The following ZNF596 variants were observed in gnomAD, a reference collection of about 807,000 sequenced individuals.
ZNF596 encodes zinc finger protein 596.
ZNF596 carries 45 observed loss-of-function variants against 48.3 expected under a neutral mutation model. The ratio of observed to expected loss-of-function variants is 0.93; its 90% CI spans 0.73 to 1.19. ZNF596 has a LOEUF of 1.19. Among genes scored for constraint, ZNF596 ranks in the 50% most tolerant of loss-of-function variants. ZNF596 has a pLI of 0.00. For missense variants in ZNF596, 848 were observed against 599.7 expected, an observed-to-expected ratio of 1.41 and a Z score of -4.32; for synonymous variants, 270 against 202.0, an observed-to-expected ratio of 1.34 and a Z score of -2.85.
chr8:245,283 A>G lies in ZNF596; in HGVS notation c.436A>G (p.Lys146Glu), dbSNP rs769565974. 6.2e-6 allele frequency: 10 copies of G among 1,614,008 alleles called. No homozygotes were observed. The African/African-American group carries it at 1.2e-4, about 19-fold the overall frequency. The change falls in exon 6 of 6, where the codon AAA (lysine) becomes GAA (glutamate). Residue 146 changes from lysine (K) to glutamate (E), a missense_variant. By Grantham distance (56) the Lys-to-Glu change is moderately conservative. Coordinates refer to ENST00000398612, the MANE Select transcript of ZNF596 (RefSeq NM_001042416.3). Reference protein sequence around the residue: ...TKHFVSKKFGKIFSDWLSFNQ... With the variant: ...TKHFVSKKFGEIFSDWLSFNQ... ...ACACTTTGTAAGCAAAAAGTTTGGGAAAATCTTCAGTGACTGGTTATCCTT... is the reference window on the plus strand; with the variant it reads ...ACACTTTGTAAGCAAAAAGTTTGGGGAAATCTTCAGTGACTGGTTATCCTT...
chr8:241,836 T>C (rs1796865346), intron 2 of ZNF596, among the ~76,000 whole-genome samples: 1 of 152,138 alleles, frequency 6.6e-6, no homozygotes, highest in Non-Finnish European at 1.5e-5. Flanking sequence ...ACAGGAAGCA[T>C]GACTGGGAGG....
At position 243,816 on chromosome 8, in the gene ZNF596, A is replaced by T; in HGVS notation, c.223+11A>T. The T allele has an allele frequency of 1.2e-6, 2 of 1,610,508 alleles. No homozygotes were observed. The highest frequency in any genetic ancestry group is 1.7e-6 in the Non-Finnish European group (2 of 1,177,888). ...TAAGCTTACTGCAAGGTGAGCTCTAAGAAGCAGTGCTTCAATAGGAGGAGG... is the reference window on the plus strand; with the variant it reads ...TAAGCTTACTGCAAGGTGAGCTCTATGAAGCAGTGCTTCAATAGGAGGAGG... On this transcript the variant is annotated intron_variant, in intron 4 of 5. Transcript: ENST00000398612.
Position 246,430 on chromosome 8 carries a change from G to T in ZNF596, c.*68G>T. 1 of 1,505,354 alleles carries T rather than the reference G, an allele frequency of 6.6e-7. No individual in the cohort carries two copies. The allele number at this position is 1,505,354 out of a possible 1,614,324, so 93.2% of individuals were successfully genotyped here. A position where few individuals can be genotyped will look rare whatever the true frequency, so the allele number is the denominator to read the frequency against. On this transcript the variant is annotated 3_prime_UTR_variant, in exon 6 of 6. Coordinates refer to ENST00000398612, the MANE Select transcript of ZNF596 (RefSeq NM_001042416.3). ...AACATACTACAGGAATATTATGTCT[G>T]TAATCAGTGTGGAAAAGCCTTTATT...
At chr8:243,845 A>G (rs1465635014) in intron 4 of ZNF596, 40 bp downstream of exon 4, 2 of 1,567,570 alleles carry the variant, frequency 1.3e-6, no homozygotes, top group East Asian at 2.2e-5. Flanking sequence ...GAGGAGGAGA[A>G]ACATGGCCAG....
At position 245,643 on chromosome 8, in the gene ZNF596, C is replaced by G. The variant is rs150205498; in HGVS notation, c.796C>G (p.Leu266Val). The change falls in exon 6 of 6, where the codon CTT (leucine) becomes GTT (valine). Residue 266 changes from leucine (L) to valine (V), a missense_variant. Leu to Val is a conservative substitution (Grantham distance 32). Coordinates refer to ENST00000398612, the MANE Select transcript of ZNF596 (RefSeq NM_001042416.3). ...CGKAFSKSSN[L>V]RRHEMIHTRE... is the part of the protein sequence containing the mutation. Reference sequence around the variant, plus strand: ...GAAAGCCTTCAGTAAAAGTTCTAACCTTAGACGACATGAGATGATTCACAC... The same window carrying G: ...GAAAGCCTTCAGTAAAAGTTCTAACGTTAGACGACATGAGATGATTCACAC... 5 of 1,613,892 alleles carry G rather than the reference C, an allele frequency of 3.1e-6. No individual in the cohort carries two copies. The highest frequency in any genetic ancestry group is 1.3e-5 in the African/African-American group (1 of 74,928).
rs17852361 is a variant in ZNF596 at position 244,662 on chromosome 8, A to G, written c.267A>G (p.Gln89=). 1.2e-6 allele frequency: 2 copies of G among 1,613,538 alleles called. No homozygotes were observed. The highest frequency in any genetic ancestry group is 3.3e-5 in the Admixed American group (2 of 59,936). ...AACATCAAGAGATACCATTCATTCA[A>G]CATATCTATCAGAAGGGCACGTCCA... is the stretch of plus-strand genomic sequence containing the variant. ...GIKHQEIPFI[Q]HIYQKGTSTI... Residue 89 remains glutamine, a synonymous_variant, in exon 5 of 6, where the codon CAA becomes CAG. Coordinates refer to ENST00000398612, the MANE Select transcript of ZNF596 (RefSeq NM_001042416.3).
Position 243,596 on chromosome 8 carries a change from G to C in ZNF596, c.140-126G>C. On this transcript the variant is annotated intron_variant, in intron 3 of 5. Transcript: ENST00000398612. ...GAAGGACTGTCAATGTTGTCTTCAA[G>C]GTACTCTTCCCAGGCTGACCTTCAG... 6 of 781,618 alleles carry C rather than the reference G, an allele frequency of 7.7e-6. No individual in the cohort carries two copies. The South Asian group carries it at 8.6e-5, about 11-fold the overall frequency. The allele number at this position is 781,618 out of a possible 1,614,324, so 48.4% of individuals were successfully genotyped here. A position where few individuals can be genotyped will look rare whatever the true frequency, so the allele number is the denominator to read the frequency against.
intron 5 of ZNF596, among the ~76,000 whole-genome samples, 168 bp from the exon 6 acceptor site, chr8:244,986 A>G (rs901105733): frequency 6.6e-6 from 1 of 152,248 alleles, no homozygotes; most frequent in Non-Finnish European, 1.5e-5. Flanking sequence ...AAAACTCTCT[A>G]CATGCAGTTA....
intron 1 of ZNF596, among the ~76,000 whole-genome samples, chr8:239,883 G>A (rs980161118): frequency 6.6e-6 from 1 of 151,896 alleles, no homozygotes; most frequent in Non-Finnish European, 1.5e-5. Flanking sequence ...GGTCTTTCAG[G>A]TGATCACCCC....
chr8:243,993 T>G, intron 4 of ZNF596, 188 bp downstream of exon 4: 1 of 432,004 alleles, frequency 2.3e-6, no homozygotes, highest in Non-Finnish European at 4.2e-6. Flanking sequence ...ATTCAAGTGA[T>G]TCTCTTGCCT....
At chr8:236,564 T>A (rs550601888) in intron 1 of ZNF596, among the ~76,000 whole-genome samples, 44 of 152,308 alleles carry the variant, frequency 2.9e-4, no homozygotes, top group African/African-American at 1.0e-3. Flanking sequence ...TTAAGAAGAA[T>A]TAGTCCCCAC....
Position 246,963 on chromosome 8 carries a change from A to G in ZNF596, c.*601A>G, listed in dbSNP as rs1320312201. 6.5e-6 allele frequency: 1 copy of G among 152,832 alleles called. No homozygotes were observed. The highest frequency in any genetic ancestry group is 1.5e-5 in the Non-Finnish European group (1 of 68,522). 9.5% of individuals were successfully genotyped at this position (152,832 alleles called of 1,614,324 possible). On this transcript the variant is annotated 3_prime_UTR_variant, in exon 6 of 6. Coordinates refer to ENST00000398612, the MANE Select transcript of ZNF596 (RefSeq NM_001042416.3). ...TACAGCAGCACTTCTATAATAGATCAGAATTCACATGGTGTAGAACTCTCA... is the reference window on the plus strand; with the variant it reads ...TACAGCAGCACTTCTATAATAGATCGGAATTCACATGGTGTAGAACTCTCA...
chr8:245,254 C>A lies in ZNF596; in HGVS notation c.407C>A (p.Thr136Lys), dbSNP rs2074718. 148,807 of 1,613,688 alleles carry A rather than the reference C, an allele frequency of 0.092. 10,094 individuals carry two copies. Among genetic ancestry groups the A allele is most frequent in the African/African-American group, 0.34 (25,341 of 74,926 alleles). ...LTQNVITYMR[T>K]KHFVSKKFGK... ...CAAAATGTGATTACCTACATGAGAA[C>A]GAAACACTTTGTAAGCAAAAAGTTT... Residue 136 changes from threonine (T) to lysine (K), a missense_variant, in exon 6 of 6, where the codon ACG becomes AAG. Coordinates refer to ENST00000398612, the MANE Select transcript of ZNF596 (RefSeq NM_001042416.3).
At chr8:234,520 C>T (rs889339827) in intron 1 of ZNF596, 1 of 152,170 alleles carries the variant, frequency 6.6e-6, no homozygotes. Context: ...GCAGGGGCTT[C>T]TCAAGAAGGA....
Position 242,902 on chromosome 8 carries a change from G to A in ZNF596, c.28G>A (p.Glu10Lys), listed in dbSNP as rs368050858. Residue 10 changes from glutamate (E) to lysine (K), a missense_variant, in exon 3 of 6, where the codon GAG (glutamate) becomes AAG (lysine). Physicochemically the swap from Glu to Lys is moderately conservative, Grantham distance 56. Coordinates refer to ENST00000398612, the MANE Select transcript of ZNF596 (RefSeq NM_001042416.3). ...AATGTTTTAGGATTCCATGACCTTC[G>A]AGGATATCATTGTAGACTTCACTCA... The part of the protein sequence containing the change: MPSPDSMTF[E>K]DIIVDFTQEE... 1.1e-4 allele frequency: 171 copies of A among 1,574,276 alleles called. 1 individual carries two copies. The Middle Eastern group carries it at 1.2e-3, about 11-fold the overall frequency.
At position 245,972 on chromosome 8, in the gene ZNF596, T is replaced by A; in HGVS notation, c.1125T>A (p.Ser375=). 3 of 1,614,008 alleles carry A rather than the reference T, an allele frequency of 1.9e-6. No homozygotes were observed. In the South Asian group the frequency reaches 3.3e-5, roughly 18 times the overall value. ...TATGTGGGAAAGCATTCACTGAATC[T>A]TCTGTGCTTAAACGACATGAGAGAA... ...CHLCGKAFTE[S]SVLKRHERIH... Residue 375 remains serine, a synonymous_variant, in exon 6 of 6, where the codon TCT becomes TCA. Coordinates refer to ENST00000398612, the MANE Select transcript of ZNF596 (RefSeq NM_001042416.3).
rs1427296845 is a variant in ZNF596, at chr8:245,478, A to T, written c.631A>T (p.Arg211Trp). The change falls in exon 6 of 6, where the codon AGG (arginine) becomes TGG (tryptophan). Residue 211 changes from arginine (R) to tryptophan (W), a missense_variant. Arg to Trp is a moderately radical substitution (Grantham distance 101, BLOSUM62 -3). Coordinates refer to ENST00000398612, the MANE Select transcript of ZNF596 (RefSeq NM_001042416.3). The stretch of plus-strand genomic sequence containing the variant: ...AACCTTTAGCAAAAATTCTAATCTT[A>T]GGCGACATGAGATGATTCACACTGG... ...GKTFSKNSNL[R>W]RHEMIHTGEK... 1 of 1,614,208 alleles carries T rather than the reference A, an allele frequency of 6.2e-7. No individual in the cohort carries two copies. The highest frequency in any genetic ancestry group is 2.2e-5 in the East Asian group (1 of 44,880).
chr8:240,698 C>A, intron 1 of ZNF596, 126 bp from the exon 2 acceptor site: 3 of 618,912 alleles, frequency 4.8e-6, no homozygotes, highest in Non-Finnish European at 8.7e-6. Context: ...GAGCCACCAA[C>A]CCAACCCACC....
At chr8:242,387 C>A (rs1184977048) in intron 2 of ZNF596, among the ~76,000 whole-genome samples, 1 of 152,114 alleles carries the variant, frequency 6.6e-6, no homozygotes, top group African/African-American at 2.4e-5. Context: ...AGATAGGAAC[C>A]ACTTTACATA....
Sources: gnomAD v4.1 joint callset for allele counts (sites outside exome capture counted in the v4.1 genomes callset) on GRCh38, gnomAD v4.1.1 for gene constraint, MANE v1.5 for transcripts, NCBI Gene and HGNC (gene_info 2026-07-23, HGNC 2026-07-21) for gene names.